GARIN1A: variants seen among roughly 807,000 people sequenced by gnomAD.
GARIN1A encodes Golgi-associated RAB2 interactor protein 1A.
the GARIN1A span, among the ~76,000 whole-genome samples, chr7:128,699,260 G>GGCCCC: frequency 9.5e-6 from 1 of 105,014 alleles, no homozygotes; most frequent in Non-Finnish European, 2.0e-5. Context: ...CATACCTGCT[G>GGCCCC]CCCCCCCCCC....
the GARIN1A span, among the ~76,000 whole-genome samples, chr7:128,696,712 C>A: frequency 6.6e-6 from 1 of 152,170 alleles, no homozygotes; most frequent in Non-Finnish European, 1.5e-5. Flanking sequence ...GTGGGCAGAA[C>A]TCCACCACAG....
the GARIN1A span, among the ~76,000 whole-genome samples, chr7:128,701,342 GGGGGA>G: frequency 2.1e-5 from 1 of 47,322 alleles, no homozygotes; most frequent in Admixed American, 1.9e-4. Context: ...GGGGAGGGGA[GGGGGA>G]GGGGAGGGGA....
At chr7:128,679,838 G>A in the GARIN1A span, among the ~76,000 whole-genome samples, 1 of 152,182 alleles carries the variant, frequency 6.6e-6, no homozygotes. Flanking sequence ...TGACCAGGGA[G>A]CAGGTGTGAC....
the GARIN1A span, among the ~76,000 whole-genome samples, chr7:128,677,129 T>C: frequency 6.6e-6 from 1 of 151,846 alleles, no homozygotes; most frequent in Admixed American, 6.6e-5. Flanking sequence ...ACATGAGCTT[T>C]CTCCCTTCAG....
chr7:128,694,987 A>C, the GARIN1A span, among the ~76,000 whole-genome samples: 1 of 152,180 alleles, frequency 6.6e-6, no homozygotes, highest in African/African-American at 2.4e-5. Flanking sequence ...CTCTATAGCA[A>C]GTTGCCTTCT....
the GARIN1A span, among the ~76,000 whole-genome samples, chr7:128,681,452 C>T: frequency 5.5e-5 from 6 of 109,734 alleles, no homozygotes; most frequent in African/African-American, 1.9e-4. Flanking sequence ...CCTCCTCTCC[C>T]CTCCCCTCCC....
chr7:128,685,211 C>T, the GARIN1A span: 3 of 152,328 alleles, frequency 2.0e-5, no homozygotes, highest in Admixed American at 2.0e-4. Context: ...CCACCACGCC[C>T]ACTCCAATAT....
the GARIN1A span, among the ~76,000 whole-genome samples, chr7:128,680,795 G>C: frequency 2.0e-5 from 3 of 152,070 alleles, no homozygotes; most frequent in Non-Finnish European, 2.9e-5. Flanking sequence ...TCGAACTCCT[G>C]ACCTCAGGTG....
chr7:128,692,262 C>CT, the GARIN1A span, among the ~76,000 whole-genome samples: 1 of 152,200 alleles, frequency 6.6e-6, no homozygotes, highest in Non-Finnish European at 1.5e-5. Context: ...TGCCTGGGTC[C>CT]TACTAGACTG....
At chr7:128,678,792 T>G in the GARIN1A span, among the ~76,000 whole-genome samples, 1 of 135,914 alleles carries the variant, frequency 7.4e-6, no homozygotes, top group African/African-American at 2.7e-5. Context: ...AGAGTGAAAC[T>G]CCATCTCAAA....
the GARIN1A span, among the ~76,000 whole-genome samples, chr7:128,700,977 A>G: frequency 6.6e-6 from 1 of 151,880 alleles, no homozygotes; most frequent in African/African-American, 2.4e-5. Context: ...GCTCCCCCAC[A>G]GATACCAAAT....
chr7:128,689,612 A>G, the GARIN1A span, among the ~76,000 whole-genome samples: 538 of 64,894 alleles, frequency 8.3e-3, 1 homozygote, highest in Middle Eastern at 0.032. Context: ...GCCCCGTCTG[A>G]GAAGTGAGGA....
chr7:128,699,434 C>T, the GARIN1A span, among the ~76,000 whole-genome samples: 1 of 152,306 alleles, frequency 6.6e-6, no homozygotes, highest in Middle Eastern at 3.4e-3. Flanking sequence ...CTCTAGGCTA[C>T]TCCTGTCATG....
chr7:128,704,327 CAG>C, the GARIN1A span, among the ~76,000 whole-genome samples: 1 of 141,466 alleles, frequency 7.1e-6, no homozygotes, highest in African/African-American at 2.7e-5. Flanking sequence ...TTTTTTGAAA[CAG>C]AGTCTTGCTC....
the GARIN1A span, among the ~76,000 whole-genome samples, chr7:128,677,191 T>C: frequency 6.6e-6 from 1 of 151,746 alleles, no homozygotes; most frequent in Non-Finnish European, 1.5e-5. Flanking sequence ...CACCTCTAGG[T>C]GGGCACCCAC....
the GARIN1A span, among the ~76,000 whole-genome samples, chr7:128,708,012 CTTTT>C: frequency 0.022 from 3,130 of 142,908 alleles, 96 homozygotes; most frequent in African/African-American, 0.074. Context: ...TCCTTCTTTT[CTTTT>C]GTTTTCTTTT....
chr7:128,677,104 ACC>A, the GARIN1A span, among the ~76,000 whole-genome samples: 6 of 151,678 alleles, frequency 4.0e-5, no homozygotes, highest in Non-Finnish European at 7.4e-5. Context: ...CTTAGTAATC[ACC>A]CCCACTTTCA....
At chr7:128,693,530 C>T in the GARIN1A span, 347 of 176,784 alleles carry the variant, frequency 2.0e-3, 1 homozygote, top group African/African-American at 7.9e-3. Flanking sequence ...CGGACCACAG[C>T]CTCCACGGGC....
chr7:128,701,834 G>C, the GARIN1A span, among the ~76,000 whole-genome samples: 6 of 152,184 alleles, frequency 3.9e-5, no homozygotes, highest in Admixed American at 6.5e-5. Flanking sequence ...GAGGAACTCA[G>C]AACTCATTGT....
Sources: gnomAD v4.1 joint callset for allele counts (sites outside exome capture counted in the v4.1 genomes callset) on GRCh38, gnomAD v4.1.1 for gene constraint, MANE v1.5 for transcripts, NCBI Gene and HGNC (gene_info 2026-07-23, HGNC 2026-07-21) for gene names.